The following PLIN4 variants were observed in gnomAD, a reference collection of about 807,000 sequenced individuals.
PLIN4 encodes perilipin 4.
Under a neutral mutation model 52.4 loss-of-function variants are expected in PLIN4, and 57 were observed. The ratio of observed to expected loss-of-function variants is 1.09; its 90% confidence interval spans 0.88 to 1.36. PLIN4 has a LOEUF of 1.36. PLIN4 is among the 40% of genes most tolerant of loss of function. The pLI is 0.00. For synonymous variants in PLIN4, 826 were observed against 785.4 expected, an observed-to-expected ratio of 1.05 and a Z score of -0.86; for missense variants, 1,757 against 1,770.3, an observed-to-expected ratio of 0.99 and a Z score of 0.13.
intron 4 of PLIN4, among the ~76,000 whole-genome samples, chr19:4,514,201 T>C (rs1386612162): frequency 1.3e-5 from 2 of 152,246 alleles, no homozygotes; most frequent in Admixed American, 1.3e-4. Flanking sequence ...CCTGCAATCC[T>C]AGCATGTTGG....
chr19:4,511,186 G>C lies in PLIN4; in HGVS notation c.2774C>G (p.Thr925Ser). 1 of 1,612,120 alleles carries C rather than the reference G, an allele frequency of 6.2e-7. No individual in the cohort carries two copies. Among genetic ancestry groups the C allele is most frequent in the South Asian group, 1.1e-5 (1 of 90,936 alleles). The change falls in exon 5 of 8, where the codon ACC (threonine) becomes AGC (serine). Residue 925 changes from threonine (T) to serine (S), a missense_variant. By Grantham distance (58) the Thr-to-Ser change is moderately conservative (BLOSUM62 1). Coordinates refer to ENST00000301286, the MANE Select transcript of PLIN4 (RefSeq NM_001367868.2). ...ACTGCAGACGGTGTCCTTGGTACCG[G>C]TCAGGACAGTCTTGCTGGTGTCCAC... ...TGVDTSKTVL[T>S]GTKDTVCSGV...
rs1975966725 is a variant in PLIN4 at position 4,502,893 on chromosome 19, T to C, written c.*1566A>G. On this transcript the variant is annotated 3_prime_UTR_variant, in exon 8 of 8. Transcript: ENST00000301286. ...TCCCAGTAAGAATTAGGCTGTGGTG[T>C]GGCGGGAAGGGACTTCCTGAGCTGC... 1.3e-5 allele frequency: 2 copies of C among 152,446 alleles called. No homozygotes were observed. Among genetic ancestry groups the C allele is most frequent in the African/African-American group, 4.8e-5 (2 of 41,564 alleles). 9.4% of individuals were successfully genotyped at this position (152,446 alleles called of 1,614,324 possible).
intron 6 of PLIN4, among the ~76,000 whole-genome samples, chr19:4,506,288 C>T (rs1176787448): frequency 3.3e-5 from 5 of 152,184 alleles, no homozygotes; most frequent in East Asian, 1.9e-4. Flanking sequence ...TCCAACATGC[C>T]GGGACAGTCC....
rs751112787 is a variant in PLIN4 at position 4,510,876 on chromosome 19, G to A, written c.3084C>T (p.Asp1028=). ...ACCCCATGAGCCCAGCGGACACTGC[G>A]TCTTTGGTTCCGGTCAGCACTGTCT... ...TTKTVLTGTK[D]AVSAGLMGSG... Residue 1028 remains aspartate (D), a synonymous_variant, in exon 5 of 8, where the codon GAC becomes GAT. Transcript: ENST00000301286. 76 of 1,613,554 alleles carry A rather than the reference G, an allele frequency of 4.7e-5. No individual in the cohort carries two copies. The highest frequency in any genetic ancestry group is 5.7e-5 in the Non-Finnish European group (67 of 1,179,874).
At chr19:4,506,216 G>A (rs879592069) in intron 6 of PLIN4, among the ~76,000 whole-genome samples, 6 of 152,134 alleles carry the variant, frequency 3.9e-5, no homozygotes, top group Admixed American at 6.5e-5. Flanking sequence ...GCCCAGGTCC[G>A]GCCCAACCTG....
intron 2 of PLIN4, 34 bp downstream of exon 2, chr19:4,518,188 C>T (rs1298441152): frequency 1.4e-5 from 17 of 1,231,754 alleles, no homozygotes; most frequent in African/African-American, 4.7e-5. Flanking sequence ...ATCTCCAGGC[C>T]CCAGCAAGAA....
At position 4,511,712 on chromosome 19, in the gene PLIN4, C is replaced by A; in HGVS notation, c.2248G>T (p.Gly750Trp). 1 of 501,450 alleles carries A rather than the reference C, an allele frequency of 2.0e-6. No individual in the cohort carries two copies. The highest frequency in any genetic ancestry group is 3.0e-6 in the Non-Finnish European group (1 of 338,422). 31.1% of individuals were successfully genotyped at this position (501,450 alleles called of 1,614,324 possible). Reference sequence around the variant, plus strand: ...ACAGACTTTGTAGTGTCCAGGCCCCCTTGGATGGCCCCTTTGGCCACATTC... The same window carrying A: ...ACAGACTTTGTAGTGTCCAGGCCCCATTGGATGGCCCCTTTGGCCACATTC... ...AANVAKGAIQ[G>W]GLDTTKSVLT... Residue 750 changes from glycine to tryptophan, a missense_variant, in exon 5 of 8, where the codon GGG becomes TGG. Coordinates refer to ENST00000301286, the MANE Select transcript of PLIN4 (RefSeq NM_001367868.2).
intron 3 of PLIN4, among the ~76,000 whole-genome samples, chr19:4,516,987 T>TG (rs1224898217): frequency 6.6e-6 from 1 of 152,160 alleles, no homozygotes. Context: ...AACAGCCCCT[T>TG]GCCCAGCCCG....
At chr19:4,514,475 C>T (rs1031852858) in intron 4 of PLIN4, among the ~76,000 whole-genome samples, 6 of 151,612 alleles carry the variant, frequency 4.0e-5, no homozygotes, top group African/African-American at 7.3e-5. Context: ...CCTGTAATCC[C>T]AGCACTTTGG....
intron 3 of PLIN4, 28 bp from the exon 4 acceptor site, chr19:4,516,706 A>G (rs905618382): frequency 6.4e-7 from 1 of 1,563,838 alleles, no homozygotes; most frequent in Non-Finnish European, 8.7e-7. Context: ...GGTCAGGGAG[A>G]GTGAGGGATG....
At position 4,512,841 on chromosome 19, in the gene PLIN4, C is replaced by G. The variant is rs754845997; in HGVS notation, c.1119G>C (p.Gly373=). The stretch of plus-strand genomic sequence containing the variant: ...TGGCCAAGTTCACGGCACCGGTCAC[C>G]CCACTGCAGACAGTGTTCTTGGTGC... ...LTGTKNTVCS[G]VTGAVNLAKE... Residue 373 remains glycine, a synonymous_variant, in exon 5 of 8, where the codon GGG becomes GGC. Transcript: ENST00000301286. The G allele has an allele frequency of 6.4e-7, 1 of 1,571,348 alleles. No individual in the cohort carries two copies. Among genetic ancestry groups the G allele is most frequent in the Non-Finnish European group, 8.6e-7 (1 of 1,165,290 alleles).
In PLIN4 at chr19:4,513,410, T is replaced by C. The variant is rs544287345; in HGVS notation, c.550A>G (p.Lys184Glu). The C allele has an allele frequency of 2.5e-6, 4 of 1,613,528 alleles. No individual in the cohort carries two copies. Among genetic ancestry groups the C allele is most frequent in the Non-Finnish European group, 3.4e-6 (4 of 1,179,890 alleles). Residue 184 changes from lysine to glutamate, a missense_variant, in exon 5 of 8, where the codon AAA becomes GAA. Coordinates refer to ENST00000301286, the MANE Select transcript of PLIN4 (RefSeq NM_001367868.2). Reference protein sequence around the residue: ...TGLTGAVNVAKGTVQAGVDTT... With the variant: ...TGLTGAVNVAEGTVQAGVDTT... ...TCCACACCGGCCTGTACGGTCCCTT[T>C]GGCCACATTCACTGCCCCCGTGAGC...
rs57610751 is a variant in PLIN4, at chr19:4,511,725, T to G, written c.2235A>C (p.Lys745Asn). The change falls in exon 5 of 8, where the codon AAA (lysine) becomes AAC (asparagine). Residue 745 changes from lysine (K) to asparagine (N), a missense_variant. Around this residue, in one of 7 missense-constraint regions of PLIN4, gnomAD observed 96 missense variants for 136.5 expected, o/e 0.70. Coordinates refer to ENST00000301286, the MANE Select transcript of PLIN4 (RefSeq NM_001367868.2). ...TGTCCAGGCCCCCTTGGATGGCCCC[T>G]TTGGCCACATTCGCAGCACCGGTCA... ...SGVTGAANVAKGAIQGGLDTT... is the reference protein window; with the variant it reads ...SGVTGAANVANGAIQGGLDTT... 3.2e-6 allele frequency: 2 copies of G among 631,144 alleles called. No individual in the cohort carries two copies. The highest frequency in any genetic ancestry group is 4.4e-6 in the Non-Finnish European group (2 of 449,794). 39.1% of individuals were successfully genotyped at this position (631,144 alleles called of 1,614,324 possible).
chr19:4,508,647 T>G, intron 6 of PLIN4, 121 bp downstream of exon 6: 5 of 1,098,684 alleles, frequency 4.6e-6, no homozygotes, highest in Non-Finnish European at 6.4e-6. Flanking sequence ...GCCATGACCA[T>G]TGGTGACGCT....
In PLIN4 at chr19:4,511,009, T is replaced by G; in HGVS notation, c.2951A>C (p.Asp984Ala). ...ACCCATAAGCACAGCCTTGGAGGCG[T>G]CCACGCCGGTCTGCACGGTTCCTTT... is the stretch of plus-strand genomic sequence containing the variant. ...VAKGTVQTGV[D>A]ASKAVLMGTK... The change falls in exon 5 of 8, where the codon GAC (aspartate) becomes GCC (alanine). Residue 984 changes from aspartate (D) to alanine (A), a missense_variant. Physicochemically the swap from Asp to Ala is moderately radical, Grantham distance 126. This residue lies in a region of PLIN4 where 712 missense variants were observed against 637.1 expected (regional missense o/e 1.12). Transcript: ENST00000301286. The G allele has an allele frequency of 6.2e-7, 1 of 1,613,068 alleles. No individual in the cohort carries two copies. Among genetic ancestry groups the G allele is most frequent in the African/African-American group, 1.3e-5 (1 of 74,904 alleles).
In PLIN4 at chr19:4,513,501, G is replaced by A. The variant is rs767852107; in HGVS notation, c.459C>T (p.Ala153=). The stretch of plus-strand genomic sequence containing the variant: ...TCGAGGTGTCCAGACCCCCTTGGAC[G>A]GCCCCCTTAGCCATGTCCATGGCCC... ...VTGAMDMAKG[A]VQGGLDTSKA... is the part of the protein sequence containing the mutation. The change falls in exon 5 of 8, where the codon GCC becomes GCT. Residue 153 remains alanine (A), a synonymous_variant. Coordinates refer to ENST00000301286, the MANE Select transcript of PLIN4 (RefSeq NM_001367868.2). 20 of 1,612,692 alleles carry A rather than the reference G, an allele frequency of 1.2e-5. No individual in the cohort carries two copies. Among genetic ancestry groups the A allele is most frequent in the Admixed American group, 3.3e-5 (2 of 59,970 alleles).
chr19:4,516,494 A>G, intron 4 of PLIN4, 123 bp downstream of exon 4: 2 of 1,185,120 alleles, frequency 1.7e-6, no homozygotes, highest in Non-Finnish European at 2.4e-6. Flanking sequence ...AGCCCCCCAG[A>G]TAGCAGGAAC....
At position 4,511,539 on chromosome 19, in the gene PLIN4, C is replaced by T. The variant is rs370832479; in HGVS notation, c.2421G>A (p.Ala807=). 18 of 1,481,644 alleles carry T rather than the reference C, an allele frequency of 1.2e-5. No homozygotes were observed. Among genetic ancestry groups the T allele is most frequent in the African/African-American group, 8.2e-5 (5 of 60,828 alleles). The allele number at this position is 1,481,644 out of a possible 1,614,324, so 91.8% of individuals were successfully genotyped here. ...DAVCSGVTGA[A]NVAKGAVQMG... ...TCTGGACGGCCCCCTTGGCCACATTCGCAGCACCGGTCACCCCACTGCACA... is the reference window on the plus strand; with the variant it reads ...TCTGGACGGCCCCCTTGGCCACATTTGCAGCACCGGTCACCCCACTGCACA... The change falls in exon 5 of 8, where the codon GCG becomes GCA. Residue 807 remains alanine (A), a synonymous_variant. Coordinates refer to ENST00000301286, the MANE Select transcript of PLIN4 (RefSeq NM_001367868.2).
chr19:4,502,284 T>G lies in PLIN4; in HGVS notation c.*2175A>C. 1.9e-6 allele frequency: 1 copy of G among 519,668 alleles called. No individual in the cohort carries two copies. The highest frequency in any genetic ancestry group is 1.8e-5 in the South Asian group (1 of 56,318). 32.2% of individuals were successfully genotyped at this position (519,668 alleles called of 1,614,324 possible). ...CTGAGCTGGGGCGCAGGCGGCAGTG[T>G]CACTGGGCCCGTTTGGGACTGGGTT... On this transcript the variant is annotated 3_prime_UTR_variant, in exon 8 of 8. Coordinates refer to ENST00000301286, the MANE Select transcript of PLIN4 (RefSeq NM_001367868.2).
Sources: allele counts gnomAD v4.1 joint callset (sites outside exome capture counted in the v4.1 genomes callset), GRCh38; gene constraint gnomAD v4.1.1; regional missense constraint gnomAD v4.1.1; transcripts MANE v1.5; gene names NCBI Gene and HGNC (gene_info 2026-07-23, HGNC 2026-07-21).